Variants in CAMK2G observed in about 807,000 individuals in gnomAD.
The protein encoded by CAMK2G is calcium/calmodulin dependent protein kinase II gamma, also known as calcium/calmodulin-dependent protein kinase type II subunit gamma.
A neutral mutation model predicts 88.7 loss-of-function variants in CAMK2G; 23 were observed. The ratio of observed to expected loss-of-function variants is 0.26; its 90% CI spans 0.19 to 0.37. The LOEUF is 0.37. Among genes scored for constraint, CAMK2G ranks in the 10% least tolerant of loss-of-function variants. The pLI, the probability that CAMK2G is intolerant of heterozygous loss-of-function variation, is 1.00. For synonymous variants in CAMK2G, 263 were observed against 294.8 expected, an observed-to-expected ratio of 0.89 and a Z score of 1.11; for missense variants, 476 against 780.8, an observed-to-expected ratio of 0.61 and a Z score of 4.65.
chr10:73,847,176 CAGA>C, intron 10 of CAMK2G, 46 bp downstream of exon 10: 1 of 1,602,354 alleles, frequency 6.2e-7, no homozygotes, highest in Non-Finnish European at 8.5e-7. Flanking sequence ...CGAGGGCACA[CAGA>C]AGGCTGACAC....
rs1230360978 is a variant in CAMK2G at position 73,820,490 on chromosome 10, ATATTT to A, written c.1250-850_1250-846del. On this transcript the variant is annotated intron_variant, in intron 18 of 22. Transcript: ENST00000423381. ...TATATATATATATATATATATATAT[ATATTT>A]TTTTTTTTTTTTTTTTCTTGAGACA... is the stretch of plus-strand genomic sequence containing the variant. 5.6e-4 allele frequency among the ~76,000 whole-genome samples: 30 copies of A among 53,148 alleles called. 1 individual carries two copies. In the East Asian group the frequency reaches 0.012, roughly 21 times the overall value. 34.9% of individuals were successfully genotyped at this position (53,148 alleles called of 152,430 possible).
chr10:73,849,452 C>A, intron 5 of CAMK2G, 119 bp from the exon 6 acceptor site: 1 of 678,404 alleles, frequency 1.5e-6, no homozygotes, highest in Non-Finnish European at 2.6e-6. Context: ...CAGAGAATCA[C>A]TTAACGGCCA....
intron 18 of CAMK2G, 30 bp from the exon 19 acceptor site, chr10:73,819,675 C>A: frequency 1.5e-6 from 2 of 1,373,574 alleles, no homozygotes; most frequent in Non-Finnish European, 2.0e-6. Context: ...CAGGGCAGGG[C>A]AAGGCAGAGC....
intron 3 of CAMK2G, among the ~76,000 whole-genome samples, chr10:73,854,790 C>A (rs574825108): frequency 6.6e-6 from 1 of 152,272 alleles, no homozygotes; most frequent in African/African-American, 2.4e-5. Flanking sequence ...ACCACTATAG[C>A]CCCCTTGTTC....
chr10:73,848,000 A>C lies in CAMK2G; in HGVS notation c.684T>G (p.Ala228=). ...CTCTGGTCCTTACATCATAGGCTCC[A>C]GCCTTGATCTGCTGATACAGCTTGT... ...DQHKLYQQIK[A]GAYDFPSPEW... is the part of the protein sequence containing the mutation. Residue 228 remains alanine, a synonymous_variant, in exon 9 of 23, where the codon GCT becomes GCG. Coordinates refer to ENST00000423381, the MANE Select transcript of CAMK2G (RefSeq NM_001367534.1). 1 of 1,607,914 alleles carries C rather than the reference A, an allele frequency of 6.2e-7. No individual in the cohort carries two copies. The highest frequency in any genetic ancestry group is 1.1e-5 in the South Asian group (1 of 90,940).
rs1335549993 is a variant in CAMK2G at position 73,813,296 on chromosome 10, T to C, written c.*1222A>G. Reference sequence around the variant, plus strand: ...CCCATGCAGATTGTCCAGCAGTAAGTCTATACTTCAGTTGGTCAGTAAAGA... The same window carrying C: ...CCCATGCAGATTGTCCAGCAGTAAGCCTATACTTCAGTTGGTCAGTAAAGA... On this transcript the variant is annotated 3_prime_UTR_variant, in exon 23 of 23. Coordinates refer to ENST00000423381, the MANE Select transcript of CAMK2G (RefSeq NM_001367534.1). 6.5e-6 allele frequency: 1 copy of C among 152,692 alleles called. No individual in the cohort carries two copies. Among genetic ancestry groups the C allele is most frequent in the Non-Finnish European group, 1.5e-5 (1 of 68,070 alleles). 9.5% of individuals were successfully genotyped at this position (152,692 alleles called of 1,614,324 possible).
Position 73,842,590 on chromosome 10 carries a change from C to T in CAMK2G, c.820-49G>A. The T allele has an allele frequency of 1.5e-6, 2 of 1,337,688 alleles. No individual in the cohort carries two copies. The highest frequency in any genetic ancestry group is 2.2e-6 in the Non-Finnish European group (2 of 929,594). 82.9% of individuals were successfully genotyped at this position (1,337,688 alleles called of 1,614,324 possible). A position where few individuals can be genotyped will look rare whatever the true frequency, so the allele number is the denominator to read the frequency against. ...TGAGCCCCAGCCCAGATCCTCTGCG[C>T]CTCCCACAGTCCTGGCACCGATACC... On this transcript the variant is annotated intron_variant, in intron 10 of 22. Coordinates refer to ENST00000423381, the MANE Select transcript of CAMK2G (RefSeq NM_001367534.1). This position sits in a 1 kb window ranked among gnomAD's most constrained non-coding sequence, Gnocchi z 4.6.
chr10:73,826,430 C>A (rs2090972788), intron 15 of CAMK2G, among the ~76,000 whole-genome samples: 1 of 152,100 alleles, frequency 6.6e-6, no homozygotes, highest in Admixed American at 6.5e-5. Context: ...AAGACTCCAT[C>A]TCAAAAAACC....
chr10:73,820,209 G>C (rs1316699950), intron 18 of CAMK2G, among the ~76,000 whole-genome samples: 5 of 151,958 alleles, frequency 3.3e-5, no homozygotes, highest in Admixed American at 2.0e-4. Context: ...TTCAGGCAAA[G>C]GGAGCAATTC....
At chr10:73,872,143 G>A (rs1318244890) in intron 2 of CAMK2G, among the ~76,000 whole-genome samples, 1 of 152,160 alleles carries the variant, frequency 6.6e-6, no homozygotes, top group African/African-American at 2.4e-5. Context: ...CACATTGCTG[G>A]GTCTACACCT....
intron 2 of CAMK2G, among the ~76,000 whole-genome samples, chr10:73,870,293 A>G (rs2095776669): frequency 6.6e-6 from 1 of 152,192 alleles, no homozygotes. Context: ...CTCCACTCCT[A>G]TCACGGTTCT....
chr10:73,827,974 A>G (rs2091502554), intron 15 of CAMK2G, 115 bp downstream of exon 15: 1 of 885,062 alleles, frequency 1.1e-6, no homozygotes, highest in Non-Finnish European at 1.9e-6. Flanking sequence ...CCCACACAGC[A>G]CAGACATGCA....
rs559938764 is a variant in CAMK2G, at chr10:73,849,725, T to C, written c.342-392A>G. ...GTAACTTTGTTCTTGGAGAAGAAGC[T>C]TGTGCTGGCAACTTAGGAAGGAGAG... On this transcript the variant is annotated intron_variant, in intron 5 of 22. Transcript: ENST00000423381. 4.6e-5 allele frequency among the ~76,000 whole-genome samples: 7 copies of C among 152,330 alleles called. No individual in the cohort carries two copies. The South Asian group carries it at 1.2e-3, about 27-fold the overall frequency.
At chr10:73,816,991 C>T (rs374351258) in intron 21 of CAMK2G, 32 bp downstream of exon 21, 2 of 1,613,840 alleles carry the variant, frequency 1.2e-6, no homozygotes, top group African/African-American at 2.7e-5. Flanking sequence ...AAGGGGCAGG[C>T]AGGAGTATAT....
chr10:73,873,623 G>C, intron 1 of CAMK2G: 1 of 687,332 alleles, frequency 1.5e-6, no homozygotes, highest in Non-Finnish European at 1.8e-6. Context: ...GACAGCAAGG[G>C]AAGAGAGGAC....
intron 3 of CAMK2G, among the ~76,000 whole-genome samples, chr10:73,856,293 T>G (rs1229796563): frequency 6.6e-6 from 1 of 152,188 alleles, no homozygotes. Flanking sequence ...GAACCGGGAC[T>G]TGAAGCCAAG....
chr10:73,873,432 C>A (rs1213221015), intron 1 of CAMK2G: 2 of 1,165,756 alleles, frequency 1.7e-6, no homozygotes, highest in Non-Finnish European at 2.1e-6. Flanking sequence ...CCAAGAGAAC[C>A]AGGGCAGAAG....
chr10:73,857,446 A>ACTC (rs1165924042), intron 3 of CAMK2G, among the ~76,000 whole-genome samples: 7 of 151,510 alleles, frequency 4.6e-5, no homozygotes, highest in African/African-American at 1.7e-4. Flanking sequence ...TCTGGATGCG[A>ACTC]CTCCGAAGCC....
chr10:73,865,980 C>T (rs2095577045), intron 2 of CAMK2G, among the ~76,000 whole-genome samples: 1 of 152,158 alleles, frequency 6.6e-6, no homozygotes, highest in South Asian at 2.1e-4. Flanking sequence ...CCCTGCCGGC[C>T]TTCAGCCCAG....
Sources: gnomAD v4.1 joint callset for allele counts (sites outside exome capture counted in the v4.1 genomes callset) on GRCh38, gnomAD v4.1.1 for gene constraint, Gnocchi (gnomAD v3.1) non-coding constraint, MANE v1.5 for transcripts, NCBI Gene and HGNC (gene_info 2026-07-23, HGNC 2026-07-21) for gene names.